USH2A: variants seen among roughly 807,000 people sequenced by gnomAD.
USH2A encodes usherin.
USH2A carries 443 observed loss-of-function variants against 538.9 expected under a neutral mutation model. That is an observed-to-expected ratio of 0.82 (90% CI 0.76 to 0.89). The LOEUF (loss-of-function observed/expected upper bound fraction) is 0.89, where lower values mean the gene tolerates loss of function less well. USH2A is among the 40% of genes least tolerant of loss of function. USH2A has a pLI of 0.00. For missense variants in USH2A, 6,633 were observed against 6,324.8 expected, an observed-to-expected ratio of 1.05 and a Z score of -1.65; for synonymous variants, 2,413 against 2,273.5, an observed-to-expected ratio of 1.06 and a Z score of -1.75.
intron 61 of USH2A, among the ~76,000 whole-genome samples, chr1:215,682,892 G>A (rs1390631947): frequency 6.7e-6 from 1 of 149,846 alleles, no homozygotes; most frequent in Non-Finnish European, 1.5e-5. Flanking sequence ...CTTATTTTTT[G>A]GCTCTTTTGC....
At chr1:215,684,239 G>A (rs1391833828) in intron 61 of USH2A, among the ~76,000 whole-genome samples, 7 of 152,096 alleles carry the variant, frequency 4.6e-5, no homozygotes, top group Admixed American at 2.0e-4. Context: ...TTAACCTCTC[G>A]ACTCAGCTCC....
intron 37 of USH2A, among the ~76,000 whole-genome samples, chr1:215,953,733 A>G (rs1360855614): frequency 1.3e-5 from 2 of 151,986 alleles, no homozygotes; most frequent in Non-Finnish European, 2.9e-5. Flanking sequence ...TAAACTAAAG[A>G]GCTTCTGCAC....
At chr1:216,007,617 C>G (rs142367939) in intron 32 of USH2A, among the ~76,000 whole-genome samples, 80 of 152,324 alleles carry the variant, frequency 5.3e-4, no homozygotes, top group African/African-American at 1.9e-3. Context: ...TGTCTGTATT[C>G]AGGCAGGGCC....
At chr1:216,338,418 G>A (rs2038015948) in intron 4 of USH2A, among the ~76,000 whole-genome samples, 1 of 151,360 alleles carries the variant, frequency 6.6e-6, no homozygotes, top group East Asian at 1.9e-4. Flanking sequence ...ATAAAGATAA[G>A]TTAAAATTAA....
intron 3 of USH2A, among the ~76,000 whole-genome samples, chr1:216,379,792 C>T (rs1651833823): frequency 6.6e-6 from 1 of 152,172 alleles, no homozygotes; most frequent in African/African-American, 2.4e-5. Flanking sequence ...GCTTGAGTAT[C>T]CAATCAAACA....
At chr1:215,981,394 A>G (rs923018903) in intron 35 of USH2A, among the ~76,000 whole-genome samples, 2 of 152,148 alleles carry the variant, frequency 1.3e-5, no homozygotes, top group African/African-American at 4.8e-5. Context: ...TAAAAAATAA[A>G]TGTTAATTTT....
chr1:215,993,644 C>A (rs753626277), intron 34 of USH2A, among the ~76,000 whole-genome samples: 1 of 152,064 alleles, frequency 6.6e-6, no homozygotes, highest in Non-Finnish European at 1.5e-5. Context: ...AATACAATTG[C>A]CTTTTATTTC....
rs1191084342 is a variant in USH2A at position 216,355,378 on chromosome 1, G to GAAAGAAAGAAAGAAAGAAAGAAA, written c.784+9574_784+9575insTTTCTTTCTTTCTTTCTTTCTTT. Among the ~76,000 whole-genome samples, 865 of 112,910 alleles carry GAAAGAAAGAAAGAAAGAAAGAAA rather than the reference G, an allele frequency of 7.7e-3. 59 individuals are homozygous for GAAAGAAAGAAAGAAAGAAAGAAA. The highest frequency in any genetic ancestry group is 0.016 in the African/African-American group (456 of 29,072). 74.1% of individuals were successfully genotyped at this position (112,910 alleles called of 152,430 possible). On this transcript the variant is annotated intron_variant, in intron 4 of 71. Transcript: ENST00000307340. The stretch of plus-strand genomic sequence containing the variant: ...AAGAAAGAAAGAAAGAAAGAAAGAA[G>GAAAGAAAGAAAGAAAGAAAGAAA]GAAAGAAACATATAGTATACAAGAA...
At position 216,041,282 on chromosome 1, in the gene USH2A, T is replaced by C. The variant is rs145542502; in HGVS notation, c.6325+5149A>G. ...CACCATACTACTAGCTTATGGCCTA[T>C]GCAAGGTAAAAAATTTGAACTGTAT... On this transcript the variant is annotated intron_variant, in intron 32 of 71. Transcript: ENST00000307340. Among the ~76,000 whole-genome samples the C allele has an allele frequency of 8.6e-4, 131 of 152,166 alleles. 1 individual carries two copies. Among genetic ancestry groups the C allele is most frequent in the African/African-American group, 3.0e-3 (126 of 41,554 alleles).
chr1:215,669,809 C>T (rs1480387943), intron 64 of USH2A, among the ~76,000 whole-genome samples: 3 of 152,100 alleles, frequency 2.0e-5, no homozygotes, highest in Non-Finnish European at 4.4e-5. Context: ...ACATTATTGT[C>T]CTAAAATATT....
chr1:215,851,383 C>A lies in USH2A; in HGVS notation c.8846-5350G>T, dbSNP rs576303174. 3.3e-5 allele frequency among the ~76,000 whole-genome samples: 5 copies of A among 152,216 alleles called. No individual in the cohort carries two copies. The East Asian group carries it at 9.6e-4, about 29-fold the overall frequency. Reference sequence around the variant, plus strand: ...ACAGGAGACATTACAACTGATACCACAGAAATACAAAAGATCATTCAAGGC... The same window carrying A: ...ACAGGAGACATTACAACTGATACCAAAGAAATACAAAAGATCATTCAAGGC... On this transcript the variant is annotated intron_variant, in intron 44 of 71. Transcript: ENST00000307340.
intron 49 of USH2A, among the ~76,000 whole-genome samples, chr1:215,807,639 T>C (rs528380404): frequency 6.6e-6 from 1 of 151,624 alleles, no homozygotes; most frequent in South Asian, 2.1e-4. Context: ...CCCTGGCTAG[T>C]TGCTAAAAGT....
At chr1:216,098,094 A>C (rs2032488650) in intron 21 of USH2A, among the ~76,000 whole-genome samples, 1 of 151,546 alleles carries the variant, frequency 6.6e-6, no homozygotes, top group African/African-American at 2.4e-5. Flanking sequence ...CAGTCCTATG[A>C]ATGATGCCTT....
chr1:216,016,137 G>C (rs1055070028), intron 32 of USH2A, among the ~76,000 whole-genome samples: 7 of 125,774 alleles, frequency 5.6e-5, no homozygotes, highest in Non-Finnish European at 1.1e-4. Flanking sequence ...GGTGGGAACT[G>C]AACAATGAGA....
chr1:216,365,032 T>C lies in USH2A; in HGVS notation c.705A>G (p.Thr235=), dbSNP rs767897482. ...CACTTAGAGTTCTTGCATTGAAAGGTGTATGATCCTTCTCCACGCCATTGA... is the reference window on the plus strand; with the variant it reads ...CACTTAGAGTTCTTGCATTGAAAGGCGTATGATCCTTCTCCACGCCATTGA... ...FFINGVEKDH[T]PFNARTLSGS... is the part of the protein sequence containing the mutation. Residue 235 remains threonine, a synonymous_variant, in exon 4 of 72, where the codon ACA becomes ACG. Transcript: ENST00000307340. 21 of 1,613,622 alleles carry C rather than the reference T, an allele frequency of 1.3e-5. No homozygotes were observed. The highest frequency in any genetic ancestry group is 1.8e-5 in the Non-Finnish European group (21 of 1,179,782).
At chr1:216,163,052 G>T (rs2034092269) in intron 21 of USH2A, among the ~76,000 whole-genome samples, 1 of 151,740 alleles carries the variant, frequency 6.6e-6, no homozygotes, top group Non-Finnish European at 1.5e-5. Context: ...AATAATTCCA[G>T]GTGTGTGCAA....
At chr1:216,165,105 A>T (rs2034139842) in intron 21 of USH2A, among the ~76,000 whole-genome samples, 1 of 152,162 alleles carries the variant, frequency 6.6e-6, no homozygotes, top group African/African-American at 2.4e-5. Flanking sequence ...ATAGAATTCA[A>T]TCAGCATGAT....
intron 61 of USH2A, among the ~76,000 whole-genome samples, chr1:215,687,436 A>G (rs1027547328): frequency 2.0e-5 from 3 of 152,002 alleles, no homozygotes; most frequent in Non-Finnish European, 2.9e-5. Context: ...CAAAAAGAAG[A>G]CTCAATTCAC....
chr1:216,118,208 A>C (rs955801999), intron 21 of USH2A, among the ~76,000 whole-genome samples: 35 of 152,268 alleles, frequency 2.3e-4, no homozygotes, highest in African/African-American at 8.4e-4. Context: ...ACTCAGAACT[A>C]TTTGGCCCTA....
Sources: gnomAD v4.1 joint callset for allele counts (sites outside exome capture counted in the v4.1 genomes callset) on GRCh38, gnomAD v4.1.1 for gene constraint, MANE v1.5 for transcripts, NCBI Gene and HGNC (gene_info 2026-07-23, HGNC 2026-07-21) for gene names.